LIFR: variants seen among roughly 807,000 people sequenced by gnomAD.
LIFR encodes the protein leukemia inhibitory factor receptor.
LIFR carries 84 observed loss-of-function variants against 122.2 expected under a neutral mutation model. That is an observed-to-expected ratio of 0.69 (90% CI 0.58 to 0.82). The LOEUF is 0.82. LIFR is among the 40% of genes least tolerant of loss of function. The pLI, the probability that LIFR is intolerant of heterozygous loss-of-function variation, is 0.00. For synonymous variants in LIFR, 422 were observed against 434.7 expected (o/e 0.97, Z 0.36); for missense variants, 1,294 against 1,311.6 (o/e 0.99, Z 0.21).
intron 1 of LIFR, chr5:38,550,289 A>G: frequency 1.1e-6 from 1 of 922,892 alleles, no homozygotes; most frequent in Non-Finnish European, 1.3e-6. Flanking sequence ...CTATTGATAA[A>G]GCACAACTGA....
At chr5:38,586,027 C>T (rs1749736137) in intron 1 of LIFR, among the ~76,000 whole-genome samples, 1 of 152,138 alleles carries the variant, frequency 6.6e-6, no homozygotes, top group Non-Finnish European at 1.5e-5. Flanking sequence ...CTTTTGGTTA[C>T]TTATCCGGTA....
Position 38,525,166 on chromosome 5 carries a change from C to G in LIFR, c.398-1584G>C, listed in dbSNP as rs1469208619. On this transcript the variant is annotated intron_variant, in intron 4 of 19. Transcript: ENST00000453190. ...TAACTCTCCCTAAGGGCGGATAAAT[C>G]ATGGAAAATTTTGGACCAATGGAAA... 2.0e-5 allele frequency among the ~76,000 whole-genome samples: 3 copies of G among 152,258 alleles called. No homozygotes were observed. In the South Asian group the frequency reaches 6.2e-4, roughly 32 times the overall value.
rs1579993150 is a variant in LIFR at position 38,481,924 on chromosome 5, C to T, written c.2965G>A (p.Glu989Lys). 3 of 1,614,130 alleles carry T rather than the reference C, an allele frequency of 1.9e-6. No homozygotes were observed. The highest frequency in any genetic ancestry group is 8.5e-7 in the Non-Finnish European group (1 of 1,180,026). The change falls in exon 20 of 20, where the codon GAA (glutamate) becomes AAA (lysine). Residue 989 changes from glutamate (E) to lysine (K), a missense_variant. Transcript: ENST00000453190. ...SMYQPQAKPE[E>K]EQENDPVGGA... Reference sequence around the variant, plus strand: ...CCTACAGGGTCATTTTCTTGTTCTTCTTCTGGTTTTGCTTGAGGCTGATAC... The same window carrying T: ...CCTACAGGGTCATTTTCTTGTTCTTTTTCTGGTTTTGCTTGAGGCTGATAC...
intron 1 of LIFR, among the ~76,000 whole-genome samples, chr5:38,544,702 C>T (rs1303930244): frequency 6.6e-6 from 1 of 152,096 alleles, no homozygotes; most frequent in East Asian, 1.9e-4. Flanking sequence ...GACTTATTGT[C>T]CCTCCCTCCC....
chr5:38,519,493 A>G (rs1049557073), intron 5 of LIFR, among the ~76,000 whole-genome samples: 2 of 152,144 alleles, frequency 1.3e-5, no homozygotes, highest in African/African-American at 2.4e-5. Context: ...CTACCTTGAA[A>G]TATATAATAC....
At chr5:38,521,625 A>G (rs972850369) in intron 5 of LIFR, among the ~76,000 whole-genome samples, 2 of 152,162 alleles carry the variant, frequency 1.3e-5, no homozygotes, top group African/African-American at 4.8e-5. Context: ...GGATGCTGGT[A>G]TTGAGAGTGG....
chr5:38,535,550 T>C (rs1341192297), intron 1 of LIFR, among the ~76,000 whole-genome samples: 2 of 152,184 alleles, frequency 1.3e-5, no homozygotes, highest in Non-Finnish European at 2.9e-5. Context: ...AGAGATTGAA[T>C]GGTCCACAAA....
At chr5:38,604,225 A>G (rs1750279089) in intron 2 of LIFR, among the ~76,000 whole-genome samples, 1 of 152,152 alleles carries the variant, frequency 6.6e-6, no homozygotes, top group African/African-American at 2.4e-5. Context: ...CGCTGCCTCT[A>G]TCTAGAAGAA....
chr5:38,544,675 A>G (rs2112625033), intron 1 of LIFR, among the ~76,000 whole-genome samples: 2 of 152,276 alleles, frequency 1.3e-5, no homozygotes, highest in Middle Eastern at 6.8e-3. Flanking sequence ...AGAGGTATCT[A>G]TGCATACATA....
intron 12 of LIFR, 75 bp from the exon 13 acceptor site, chr5:38,496,670 C>G (rs1298319059): frequency 4.7e-6 from 5 of 1,065,680 alleles, no homozygotes; most frequent in Non-Finnish European, 7.3e-6. Context: ...TGGGTTTAAA[C>G]TGGACACTAT....
chr5:38,538,088 GTACAGT>G, intron 1 of LIFR, among the ~76,000 whole-genome samples: 1 of 152,262 alleles, frequency 6.6e-6, no homozygotes, highest in South Asian at 2.1e-4. Flanking sequence ...TAATTTCAGT[GTACAGT>G]TGAGTCAAGG....
At chr5:38,561,447 C>T (rs954820928), upstream of LIFR, among the ~76,000 whole-genome samples, 3 of 152,154 alleles carry the variant, frequency 2.0e-5, no homozygotes, top group Non-Finnish European at 2.9e-5. Context: ...GTACCTACCT[C>T]GTAGGGTTGT....
In LIFR at chr5:38,556,645, C is replaced by T. The variant is rs1748574936; in HGVS notation, c.-331G>A. 1 of 147,590 alleles carries T rather than the reference C, an allele frequency of 6.8e-6. No individual in the cohort carries two copies. Among genetic ancestry groups the T allele is most frequent in the Non-Finnish European group, 1.5e-5 (1 of 66,346 alleles). The allele number at this position is 147,590 out of a possible 1,614,324, so 9.1% of individuals were successfully genotyped here. A position where few individuals can be genotyped will look rare whatever the true frequency, so the allele number is the denominator to read the frequency against. Reference sequence around the variant, plus strand: ...CACGGCCGAGTCGCTCCAGCCGGGACTGCGGCGCGCGGGGGCGGCGCCTGC... The same window carrying T: ...CACGGCCGAGTCGCTCCAGCCGGGATTGCGGCGCGCGGGGGCGGCGCCTGC... On this transcript the variant is annotated 5_prime_UTR_variant, in exon 1 of 20. Transcript: ENST00000453190.
At chr5:38,526,406 C>A (rs955024073) in intron 4 of LIFR, among the ~76,000 whole-genome samples, 1 of 145,608 alleles carries the variant, frequency 6.9e-6, no homozygotes, top group African/African-American at 2.6e-5. Flanking sequence ...ATGGTAAGTA[C>A]AAACTTTACT....
At chr5:38,485,342 C>T (rs1405919625) in intron 17 of LIFR, among the ~76,000 whole-genome samples, 1 of 152,126 alleles carries the variant, frequency 6.6e-6, no homozygotes, top group Non-Finnish European at 1.5e-5. Flanking sequence ...GTGTGAACTC[C>T]AACTCAGGGG....
At chr5:38,547,746 C>T (rs191581020) in intron 1 of LIFR, among the ~76,000 whole-genome samples, 10 of 152,228 alleles carry the variant, frequency 6.6e-5, no homozygotes, top group Admixed American at 5.9e-4. Flanking sequence ...ACGTGCTAGG[C>T]AATTTTGTTG....
At chr5:38,551,602 T>C (rs967985859) in intron 1 of LIFR, among the ~76,000 whole-genome samples, 2 of 152,210 alleles carry the variant, frequency 1.3e-5, no homozygotes, top group Non-Finnish European at 2.9e-5. Context: ...ACATACACTT[T>C]AGGTAGTGAT....
chr5:38,493,179 G>C (rs1202120945), intron 14 of LIFR, among the ~76,000 whole-genome samples: 1 of 151,968 alleles, frequency 6.6e-6, no homozygotes, highest in African/African-American at 2.4e-5. Context: ...ACAAGGCAAA[G>C]GCCCTTGTGT....
intron 1 of LIFR, among the ~76,000 whole-genome samples, chr5:38,592,937 G>A: frequency 6.6e-6 from 1 of 152,052 alleles, no homozygotes; most frequent in African/African-American, 2.4e-5. Context: ...GGGCGTGGTG[G>A]CTCACGCCTG....
Sources: allele counts gnomAD v4.1 joint callset (sites outside exome capture counted in the v4.1 genomes callset), GRCh38; gene constraint gnomAD v4.1.1; transcripts MANE v1.5; gene names NCBI Gene and HGNC (gene_info 2026-07-23, HGNC 2026-07-21).